GRM1: variants seen among roughly 807,000 people sequenced by gnomAD.
GRM1 encodes the protein metabotropic glutamate receptor 1.
A neutral mutation model predicts 90.9 loss-of-function variants in GRM1; 33 were observed. The observed-to-expected ratio is 0.36, with a 90% CI of 0.28 to 0.49. The LOEUF (loss-of-function observed/expected upper bound fraction) is 0.49, where lower values mean the gene tolerates loss of function less well. Ranked by LOEUF, GRM1 falls within the 20% of genes least tolerant of loss-of-function variation. GRM1 has a pLI of 0.99. For synonymous variants in GRM1, 700 were observed against 613.2 expected (o/e 1.14, Z -2.09); for missense variants, 1,190 against 1,534.3 (o/e 0.78, Z 3.75).
chr6:146,110,381 C>T (rs932263188), intron 1 of GRM1, among the ~76,000 whole-genome samples: 1 of 152,202 alleles, frequency 6.6e-6, no homozygotes, highest in African/African-American at 2.4e-5. Context: ...GCTCTCTTCT[C>T]TTGTCTGCCG....
chr6:146,181,441 A>G (rs1309249572), intron 2 of GRM1, among the ~76,000 whole-genome samples: 3 of 152,224 alleles, frequency 2.0e-5, no homozygotes, highest in Non-Finnish European at 2.9e-5. Context: ...TTCAATCTTC[A>G]AGTGAGAAAA....
intron 3 of GRM1, among the ~76,000 whole-genome samples, chr6:146,332,901 A>G (rs1484034645): frequency 1.3e-5 from 2 of 152,210 alleles, no homozygotes; most frequent in East Asian, 3.8e-4. Flanking sequence ...TTCCGGTGAC[A>G]CTGCTTTGCC....
At chr6:146,339,422 T>C (rs1311098434) in intron 3 of GRM1, among the ~76,000 whole-genome samples, 2 of 152,202 alleles carry the variant, frequency 1.3e-5, no homozygotes, top group African/African-American at 4.8e-5. Context: ...ACTCATTTTA[T>C]TTCCACAGAC....
At chr6:146,151,629 A>G (rs73571276) in intron 1 of GRM1, among the ~76,000 whole-genome samples, 8,100 of 152,132 alleles carry the variant, frequency 0.053, 709 homozygotes, top group African/African-American at 0.18. Context: ...CTATAAATCA[A>G]TTTTTCTGAA....
intron 3 of GRM1, among the ~76,000 whole-genome samples, chr6:146,334,202 C>T (rs1784684615): frequency 1.3e-5 from 2 of 152,200 alleles, no homozygotes; most frequent in African/African-American, 4.8e-5. Flanking sequence ...ATGACATCCA[C>T]TGGAGATGTG....
At chr6:146,280,412 T>C (rs1782524501) in intron 2 of GRM1, among the ~76,000 whole-genome samples, 1 of 152,166 alleles carries the variant, frequency 6.6e-6, no homozygotes, top group Admixed American at 6.5e-5. Context: ...TTGCTCTGAT[T>C]AGTATCATTC....
At chr6:146,038,633 A>G (rs1790980279) in intron 1 of GRM1, among the ~76,000 whole-genome samples, 1 of 152,004 alleles carries the variant, frequency 6.6e-6, no homozygotes, top group South Asian at 2.1e-4. Context: ...TGAGTGGCGC[A>G]TATTCAACTT....
rs1310842040 is a variant in GRM1, at chr6:146,386,957, A to G, written c.1670A>G (p.Gln557Arg). The G allele has an allele frequency of 7.4e-6, 12 of 1,612,780 alleles. No individual in the cohort carries two copies. Among genetic ancestry groups the G allele is most frequent in the Non-Finnish European group, 1.0e-5 (12 of 1,178,990 alleles). Residue 557 changes from glutamine to arginine, a missense_variant, in exon 6 of 8, where the codon CAA (glutamine) becomes CGA (arginine). Gln to Arg is a conservative substitution (Grantham distance 43). Transcript: ENST00000282753. ...CTACKENEYV[Q>R]DEFTCKACDL... ...GCCTGCAAAGAGAATGAATATGTGC[A>G]AGATGAGTTCACCTGCAAAGCTTGT...
intron 1 of GRM1, among the ~76,000 whole-genome samples, chr6:146,158,623 A>T (rs1777604056): frequency 6.6e-6 from 1 of 152,218 alleles, no homozygotes; most frequent in Non-Finnish European, 1.5e-5. Flanking sequence ...GGCTCATAAA[A>T]TGGGGGCTAA....
chr6:146,267,064 A>C (rs1781916787), intron 2 of GRM1, among the ~76,000 whole-genome samples: 1 of 152,084 alleles, frequency 6.6e-6, no homozygotes, highest in Non-Finnish European at 1.5e-5. Flanking sequence ...AACAGGCCCC[A>C]ATGTGTGTTA....
At chr6:146,205,175 T>G (rs374800895) in intron 2 of GRM1, among the ~76,000 whole-genome samples, 3 of 152,180 alleles carry the variant, frequency 2.0e-5, no homozygotes, top group Non-Finnish European at 4.4e-5. Flanking sequence ...AAAATATCTA[T>G]AATACTCAAA....
At chr6:146,084,908 A>C (rs1482869406) in intron 1 of GRM1, among the ~76,000 whole-genome samples, 3 of 152,104 alleles carry the variant, frequency 2.0e-5, no homozygotes, top group Admixed American at 6.6e-5. Context: ...TTGCTTTATG[A>C]ATTTTCCTAT....
intron 1 of GRM1, among the ~76,000 whole-genome samples, chr6:146,068,086 A>C (rs1775906291): frequency 6.6e-6 from 1 of 152,118 alleles, no homozygotes; most frequent in Admixed American, 6.5e-5. Flanking sequence ...TGGAATGTGT[A>C]GATTAAATAT....
At chr6:146,363,600 T>A (rs1040689705) in intron 5 of GRM1, among the ~76,000 whole-genome samples, 2 of 152,196 alleles carry the variant, frequency 1.3e-5, no homozygotes, top group Non-Finnish European at 2.9e-5. Flanking sequence ...TATGTATGTA[T>A]ACATATGTGT....
intron 1 of GRM1, among the ~76,000 whole-genome samples, chr6:146,126,079 T>C (rs1327332045): frequency 6.6e-6 from 1 of 152,142 alleles, no homozygotes; most frequent in Non-Finnish European, 1.5e-5. Flanking sequence ...TTCTGCTTTA[T>C]ATTTTTGTGG....
chr6:146,169,925 C>A (rs77821689), intron 2 of GRM1, among the ~76,000 whole-genome samples: 1 of 152,270 alleles, frequency 6.6e-6, no homozygotes, highest in East Asian at 1.9e-4. Flanking sequence ...ATATAGCTAT[C>A]TTAGTGAGCA....
chr6:146,096,410 C>T (rs1345149333), intron 1 of GRM1, among the ~76,000 whole-genome samples: 1 of 152,158 alleles, frequency 6.6e-6, no homozygotes, highest in African/African-American at 2.4e-5. Context: ...ACACACCTTA[C>T]TTTCAGCCAT....
chr6:146,160,887 G>A (rs1254215750), intron 2 of GRM1, among the ~76,000 whole-genome samples: 2 of 152,218 alleles, frequency 1.3e-5, no homozygotes, highest in East Asian at 3.9e-4. Context: ...TATTAAATGT[G>A]GGCAAAATTG....
At chr6:146,206,523 C>T (rs1028297603) in intron 2 of GRM1, among the ~76,000 whole-genome samples, 3 of 152,094 alleles carry the variant, frequency 2.0e-5, no homozygotes, top group African/African-American at 7.2e-5. Context: ...GAGGCAGCCT[C>T]ATTCTTGTAT....
Sources: gnomAD v4.1 joint callset for allele counts (sites outside exome capture counted in the v4.1 genomes callset) on GRCh38, gnomAD v4.1.1 for gene constraint, MANE v1.5 for transcripts, NCBI Gene and HGNC (gene_info 2026-07-23, HGNC 2026-07-21) for gene names.